SORL1: variants seen among roughly 807,000 people sequenced by gnomAD.
SORL1 encodes sortilin-related receptor.
Under a neutral mutation model 273.7 loss-of-function variants are expected in SORL1, and 127 were observed. The ratio of observed to expected loss-of-function variants is 0.46; its 90% CI spans 0.40 to 0.54. SORL1 has a LOEUF of 0.54. SORL1 is among the 20% of genes least tolerant of loss of function. SORL1 has a pLI of 0.00. For missense variants in SORL1, 2,494 were observed against 2,846.1 expected, an observed-to-expected ratio of 0.88 and a Z score of 2.81; for synonymous variants, 1,031 against 1,067.4, an observed-to-expected ratio of 0.97 and a Z score of 0.66.
intron 14 of SORL1, among the ~76,000 whole-genome samples, chr11:121,547,285 T>C (rs1862441086): frequency 6.6e-6 from 1 of 150,446 alleles, no homozygotes; most frequent in Non-Finnish European, 1.5e-5. Context: ...CAAAATAAAA[T>C]TAAGACTAAG....
At chr11:121,458,085 G>A (rs1860936092) in intron 1 of SORL1, among the ~76,000 whole-genome samples, 1 of 152,216 alleles carries the variant, frequency 6.6e-6, no homozygotes, top group Admixed American at 6.5e-5. Flanking sequence ...GAGGGACACA[G>A]GGGGCAGTCT....
At chr11:121,500,454 A>G (rs1384735344) in intron 6 of SORL1, among the ~76,000 whole-genome samples, 1 of 152,234 alleles carries the variant, frequency 6.6e-6, no homozygotes, top group Admixed American at 6.5e-5. Context: ...GGATGCTAGG[A>G]AACTATGGCC....
Position 121,488,232 on chromosome 11 carries a change from C to T in SORL1, c.690+39C>T, listed in dbSNP as rs190482056. 4 of 1,601,372 alleles carry T rather than the reference C, an allele frequency of 2.5e-6. No homozygotes were observed. In the African/African-American group the frequency reaches 4.0e-5, roughly 16 times the overall value. On this transcript the variant is annotated intron_variant, in intron 4 of 47. Transcript: ENST00000260197. ...CAGAACCCAGTTGCATGGGGCTCCT[C>T]TAGTTTTCTCCTCTGCCTGTGTGGA...
intron 6 of SORL1, among the ~76,000 whole-genome samples, chr11:121,503,217 C>G (rs893278677): frequency 1.3e-5 from 2 of 151,828 alleles, no homozygotes; most frequent in Non-Finnish European, 2.9e-5. Flanking sequence ...TTTTTTGCTG[C>G]CTGTGCTGTT....
rs183835463 is a variant in SORL1 at position 121,508,777 on chromosome 11, G to A, written c.940-4226G>A. ...ATTCAGCCATTGTTCTTGAGTAAAT[G>A]TGCCTTGGATTTTTGCAACCCTTTA... On this transcript the variant is annotated intron_variant, in intron 6 of 47. Transcript: ENST00000260197. Among the ~76,000 whole-genome samples the A allele has an allele frequency of 9.8e-5, 15 of 152,340 alleles. No individual in the cohort carries two copies. In the East Asian group the frequency reaches 2.5e-3, roughly 25 times the overall value.
chr11:121,573,677 AC>A (rs921297660), intron 23 of SORL1, among the ~76,000 whole-genome samples: 9 of 152,152 alleles, frequency 5.9e-5, no homozygotes, highest in Admixed American at 1.3e-4. Context: ...ACATTATCTT[AC>A]CCAGTTTTAC....
At chr11:121,577,097 C>A in intron 24 of SORL1, 184 bp from the exon 25 acceptor site, 2 of 1,100,450 alleles carry the variant, frequency 1.8e-6, no homozygotes, top group African/African-American at 1.6e-5. Flanking sequence ...AACCCATTTG[C>A]AGCACACTGA....
Position 121,627,874 on chromosome 11 carries a change from G to A in SORL1, c.6577+107G>A. 1 of 722,348 alleles carries A rather than the reference G, an allele frequency of 1.4e-6. No individual in the cohort carries two copies. The highest frequency in any genetic ancestry group is 2.3e-6 in the Non-Finnish European group (1 of 441,860). The allele number at this position is 722,348 out of a possible 1,614,324, so 44.7% of individuals were successfully genotyped here. On this transcript the variant is annotated intron_variant, in intron 47 of 47. Transcript: ENST00000260197. This position sits in a 1 kb window ranked among gnomAD's most constrained non-coding sequence, Gnocchi z 4.9. ...TTCAGCTCCTCTTTTGACCCTGGAG[G>A]AGCTCTTCATCAGCCAGCGATTTGA...
At position 121,583,494 on chromosome 11, in the gene SORL1, G is replaced by C; in HGVS notation, c.3617G>C (p.Cys1206Ser). The C allele has an allele frequency of 1.2e-6, 2 of 1,613,034 alleles. No homozygotes were observed. Among genetic ancestry groups the C allele is most frequent in the Non-Finnish European group, 1.7e-6 (2 of 1,179,522 alleles). Residue 1206 changes from cysteine to serine, a missense_variant, in exon 26 of 48, where the codon TGC becomes TCC. Cys to Ser is a moderately radical substitution (Grantham distance 112, BLOSUM62 -1). Coordinates refer to ENST00000260197, the MANE Select transcript of SORL1 (RefSeq NM_003105.6). ...YHTCEASNFQ[C>S]RNGHCIPQRW... ...ACCTGTGAGGCCTCCAACTTCCAGT[G>C]CCGAAACGGGCACTGCATCCCCCAG... is the stretch of plus-strand genomic sequence containing the variant.
chr11:121,503,313 C>G (rs978031863), intron 6 of SORL1, among the ~76,000 whole-genome samples: 1 of 151,858 alleles, frequency 6.6e-6, no homozygotes, highest in Non-Finnish European at 1.5e-5. Flanking sequence ...TTAGTTCTTA[C>G]AGTCTATGAT....
At chr11:121,521,306 A>T (rs1444943735) in intron 9 of SORL1, among the ~76,000 whole-genome samples, 1 of 152,102 alleles carries the variant, frequency 6.6e-6, no homozygotes, top group African/African-American at 2.4e-5. Context: ...CTAATTTTGG[A>T]AAGAGGCAGC....
At chr11:121,499,712 AAG>A (rs1337170599) in intron 6 of SORL1, among the ~76,000 whole-genome samples, 1 of 152,228 alleles carries the variant, frequency 6.6e-6, no homozygotes, top group Non-Finnish European at 1.5e-5. Flanking sequence ...CCCTCCCAGT[AAG>A]AGTGTTGAAA....
intron 2 of SORL1, among the ~76,000 whole-genome samples, 186 bp downstream of exon 2, chr11:121,470,309 A>G (rs1162792398): frequency 1.3e-5 from 2 of 152,244 alleles, no homozygotes; most frequent in Admixed American, 6.5e-5. Flanking sequence ...AGGTGCAGTC[A>G]GTGTTGCAAA....
Position 121,596,561 on chromosome 11 carries a change from G to A in SORL1, c.4519+789G>A, listed in dbSNP as rs1195041892. Among the ~76,000 whole-genome samples, 1 of 152,210 alleles carries A rather than the reference G, an allele frequency of 6.6e-6. No homozygotes were observed. The highest frequency in any genetic ancestry group is 1.5e-5 in the Non-Finnish European group (1 of 68,038). ...CCCCCCACCGGCCTGCCTCTCTGAC[G>A]GTTGGGTGCTGCTCTGGCTCGGGGA... On this transcript the variant is annotated intron_variant, in intron 32 of 47. Transcript: ENST00000260197. The surrounding 1 kb of genome is among the most constrained non-coding windows in gnomAD (Gnocchi z 4.3).
At chr11:121,539,799 T>G (rs1447545822) in intron 12 of SORL1, among the ~76,000 whole-genome samples, 1 of 152,204 alleles carries the variant, frequency 6.6e-6, no homozygotes, top group Non-Finnish European at 1.5e-5. Context: ...CATAAATGAA[T>G]GAATGAATGA....
At chr11:121,495,831 A>G (rs1456351870) in intron 5 of SORL1, among the ~76,000 whole-genome samples, 1 of 152,220 alleles carries the variant, frequency 6.6e-6, no homozygotes, top group Admixed American at 6.5e-5. Flanking sequence ...CACAGATCCA[A>G]TGCAGAAAGT....
intron 40 of SORL1, among the ~76,000 whole-genome samples, chr11:121,613,236 A>C (rs1435232807): frequency 6.6e-6 from 1 of 152,238 alleles, no homozygotes; most frequent in Non-Finnish European, 1.5e-5. Flanking sequence ...GGCCTTATGC[A>C]TAACTGGTGT....
intron 24 of SORL1, among the ~76,000 whole-genome samples, chr11:121,574,602 A>T (rs979432571): frequency 3.9e-5 from 6 of 152,038 alleles, no homozygotes; most frequent in African/African-American, 1.5e-4. Flanking sequence ...GCGAACTGGG[A>T]CCCTAGATTC....
intron 6 of SORL1, among the ~76,000 whole-genome samples, chr11:121,498,748 T>C (rs1861666738): frequency 6.6e-6 from 1 of 152,096 alleles, no homozygotes; most frequent in Admixed American, 6.5e-5. Flanking sequence ...TGGTGGCACA[T>C]GCTTGTAATC....
Sources: gnomAD v4.1 joint callset for allele counts (sites outside exome capture counted in the v4.1 genomes callset) on GRCh38, gnomAD v4.1.1 for gene constraint, Gnocchi (gnomAD v3.1) non-coding constraint, MANE v1.5 for transcripts, NCBI Gene and HGNC (gene_info 2026-07-23, HGNC 2026-07-21) for gene names.